Variants in RPA3 observed in about 807,000 individuals in gnomAD.
RPA3 encodes the protein replication protein A 14 kDa subunit.
Under a neutral mutation model 13.7 loss-of-function variants are expected in RPA3, and 24 were observed. The ratio of observed to expected loss-of-function variants is 1.75; its 90% CI spans 1.27 to 2.46. The LOEUF (loss-of-function observed/expected upper bound fraction) is 2.46. Among genes scored for constraint, RPA3 ranks in the 30% most tolerant of loss-of-function variants. RPA3 has a pLI of 0.00. For missense variants in RPA3, 183 were observed against 151.0 expected (o/e 1.21, Z -1.11); for synonymous variants, 59 against 51.2 (o/e 1.15, Z -0.65).
intron 2 of RPA3, chr7:7,692,568 C>T (rs775112745): frequency 1.3e-5 from 2 of 152,092 alleles, no homozygotes; most frequent in Non-Finnish European, 2.9e-5. Context: ...TTAGAAATTC[C>T]ACTTTTAGTA....
At chr7:7,713,880 G>C (rs1184146720) in intron 2 of RPA3, among the ~76,000 whole-genome samples, 1 of 152,084 alleles carries the variant, frequency 6.6e-6, no homozygotes, top group Non-Finnish European at 1.5e-5. Context: ...ACCCAGGCTG[G>C]AGTGCAGTGG....
At position 7,640,517 on chromosome 7, in the gene RPA3, C is replaced by G. The variant is rs537622406; in HGVS notation, c.-99G>C. The G allele has an allele frequency of 4.4e-5, 46 of 1,051,302 alleles. No individual in the cohort carries two copies. Among genetic ancestry groups the G allele is most frequent in the South Asian group, 3.9e-4 (30 of 77,654 alleles). 65.1% of individuals were successfully genotyped at this position (1,051,302 alleles called of 1,614,324 possible). ...GGGCAGATTTCTCGGCACCAATCAG[C>G]GAAGACTAGCGCTCCAGCTTCGCCA... On this transcript the variant is annotated 5_prime_UTR_variant, in exon 5 of 8. Coordinates refer to ENST00000223129, the MANE Select transcript of RPA3 (RefSeq NM_002947.5).
At chr7:7,717,555 A>C (rs192903674) in intron 1 of RPA3, among the ~76,000 whole-genome samples, 39 of 152,312 alleles carry the variant, frequency 2.6e-4, no homozygotes, top group Admixed American at 2.6e-3. Context: ...TGTATTTTTT[A>C]TGATTTCCCA....
intron 2 of RPA3, among the ~76,000 whole-genome samples, chr7:7,699,539 A>G (rs1423759766): frequency 1.3e-5 from 2 of 152,234 alleles, no homozygotes; most frequent in Non-Finnish European, 2.9e-5. Context: ...AGAAACTGCT[A>G]GAGAACTGAA....
intron 4 of RPA3, among the ~76,000 whole-genome samples, chr7:7,669,185 T>C (rs1235107166): frequency 6.6e-6 from 1 of 152,186 alleles, no homozygotes; most frequent in African/African-American, 2.4e-5. Flanking sequence ...AGTACTATTG[T>C]TGGTTTCAGG....
intron 2 of RPA3, among the ~76,000 whole-genome samples, chr7:7,708,310 ATGTTGAATAAG>A (rs1432127370): frequency 2.0e-5 from 3 of 152,166 alleles, no homozygotes; most frequent in Non-Finnish European, 2.9e-5. Context: ...TTACTAGTTA[ATGTTGAATAAG>A]CTACTTGTAG....
intron 4 of RPA3, among the ~76,000 whole-genome samples, chr7:7,656,625 G>A (rs974557295): frequency 6.6e-6 from 1 of 152,118 alleles, no homozygotes; most frequent in African/African-American, 2.4e-5. Flanking sequence ...CTTCATCCAT[G>A]TCCCTGCAAA....
chr7:7,668,201 C>A (rs1779518033), intron 4 of RPA3, among the ~76,000 whole-genome samples: 1 of 152,088 alleles, frequency 6.6e-6, no homozygotes. Flanking sequence ...GTGTAAGCCA[C>A]CATGCCTGGT....
chr7:7,648,703 T>G (rs556403601), intron 4 of RPA3, among the ~76,000 whole-genome samples: 2 of 151,264 alleles, frequency 1.3e-5, no homozygotes, highest in Non-Finnish European at 2.9e-5. Flanking sequence ...ATACAAAAAT[T>G]AGCTGGCCAT....
At chr7:7,638,771 G>T (rs1784904496) in intron 6 of RPA3, 1 of 241,598 alleles carries the variant, frequency 4.1e-6, no homozygotes, top group Non-Finnish European at 7.9e-6. Context: ...TCTTGAGGAA[G>T]AAAAAAGCAA....
intron 4 of RPA3, among the ~76,000 whole-genome samples, chr7:7,651,455 T>A (rs992766280): frequency 1.1e-4 from 16 of 152,206 alleles, no homozygotes; most frequent in African/African-American, 3.6e-4. Flanking sequence ...GGCTTGAGGC[T>A]GGGGCCTTTG....
chr7:7,646,859 G>T (rs1785107312), intron 4 of RPA3, among the ~76,000 whole-genome samples: 1 of 152,102 alleles, frequency 6.6e-6, no homozygotes, highest in South Asian at 2.1e-4. Context: ...CCTGGGGTTT[G>T]GGGTTTATAT....
chr7:7,670,267 A>G (rs1179002988), intron 4 of RPA3, among the ~76,000 whole-genome samples: 3 of 152,226 alleles, frequency 2.0e-5, no homozygotes, highest in Admixed American at 2.0e-4. Flanking sequence ...GTGGCCAGAC[A>G]TCAAAAGGCA....
intron 2 of RPA3, among the ~76,000 whole-genome samples, chr7:7,711,787 A>G (rs1163529311): frequency 1.3e-5 from 2 of 152,022 alleles, no homozygotes; most frequent in Non-Finnish European, 2.9e-5. Flanking sequence ...TAATGAAGAG[A>G]CATTTTGATG....
At chr7:7,714,692 G>A (rs1780849064) in intron 2 of RPA3, among the ~76,000 whole-genome samples, 1 of 152,092 alleles carries the variant, frequency 6.6e-6, no homozygotes, top group Non-Finnish European at 1.5e-5. Flanking sequence ...TCCATCAGGT[G>A]TCCCTAACTG....
At chr7:7,679,731 T>TATATAC (rs1554313986) in intron 4 of RPA3, among the ~76,000 whole-genome samples, 1 of 135,930 alleles carries the variant, frequency 7.4e-6, no homozygotes, top group Non-Finnish European at 1.5e-5. Context: ...TATATATATA[T>TATATAC]ACACACACAC....
In RPA3 at chr7:7,639,120, T is replaced by C. The variant is rs759216246; in HGVS notation, c.124A>G (p.Ile42Val). 1.2e-6 allele frequency: 2 copies of C among 1,612,290 alleles called. No individual in the cohort carries two copies. Among genetic ancestry groups the C allele is most frequent in the Non-Finnish European group, 1.7e-6 (2 of 1,179,372 alleles). ...TTTTTTCCTTCTCCATCTGAAAGAA[T>C]AAACATTTTTCCGGTGGGATGAATC... Reference protein sequence around the residue: ...EKIHPTGKMFILSDGEGKNGT... With the variant: ...EKIHPTGKMFVLSDGEGKNGT... Residue 42 changes from isoleucine (I) to valine (V), a missense_variant, in exon 6 of 8, where the codon ATT becomes GTT. Physicochemically the swap from Ile to Val is conservative, Grantham distance 29. Coordinates refer to ENST00000223129, the MANE Select transcript of RPA3 (RefSeq NM_002947.5).
chr7:7,718,473 AG>A (rs1452219411), intron 1 of RPA3, 41 bp downstream of exon 1: 3 of 152,160 alleles, frequency 2.0e-5, no homozygotes, highest in South Asian at 2.1e-4. Context: ...GTTATTTTGA[AG>A]GAAAAAACTA....
intron 4 of RPA3, among the ~76,000 whole-genome samples, chr7:7,661,302 T>C (rs1159019619): frequency 1.3e-5 from 2 of 152,216 alleles, no homozygotes; most frequent in East Asian, 1.9e-4. Context: ...TACCCATCTC[T>C]GAAGCCTCCT....
Sources: allele counts gnomAD v4.1 joint callset (sites outside exome capture counted in the v4.1 genomes callset), GRCh38; gene constraint gnomAD v4.1.1; transcripts MANE v1.5; gene names NCBI Gene and HGNC (gene_info 2026-07-23, HGNC 2026-07-21).